Variants in TRAK1 observed in about 807,000 individuals in gnomAD.
TRAK1 encodes trafficking kinesin-binding protein 1.
A neutral mutation model predicts 92.1 loss-of-function variants in TRAK1; 33 were observed. The observed-to-expected ratio is 0.36, with a 90% CI of 0.27 to 0.48. The LOEUF (loss-of-function observed/expected upper bound fraction) is 0.48, where lower values mean the gene tolerates loss of function less well. TRAK1 is among the 20% of genes least tolerant of loss of function. TRAK1 has a pLI of 0.99. For missense variants in TRAK1, 1,123 were observed against 1,257.9 expected, an observed-to-expected ratio of 0.89 and a Z score of 1.62; for synonymous variants, 521 against 517.3, an observed-to-expected ratio of 1.01 and a Z score of -0.10.
intron 14 of TRAK1, among the ~76,000 whole-genome samples, chr3:42,214,876 A>G (rs999349853): frequency 2.6e-5 from 4 of 152,264 alleles, no homozygotes; most frequent in Admixed American, 2.0e-4. Context: ...GCCTCTGTGA[A>G]GCCCAGAACT....
intron 5 of TRAK1, among the ~76,000 whole-genome samples, chr3:42,188,678 G>C (rs564171771): frequency 6.6e-6 from 1 of 152,364 alleles, no homozygotes; most frequent in Admixed American, 6.5e-5. Flanking sequence ...TTAGGTCACA[G>C]AGTTATAAGC....
intron 2 of TRAK1, among the ~76,000 whole-genome samples, chr3:42,139,287 G>A (rs929380064): frequency 5.9e-5 from 9 of 152,060 alleles, no homozygotes; most frequent in East Asian, 1.9e-4. Flanking sequence ...TACTGCTCAC[G>A]TATGCGGTCT....
At chr3:42,088,501 T>C (rs984807096), upstream of TRAK1, among the ~76,000 whole-genome samples, 2 of 152,222 alleles carry the variant, frequency 1.3e-5, no homozygotes, top group Non-Finnish European at 2.9e-5. Context: ...GTCTTTCTTA[T>C]TAGTGCAGAA....
intron 1 of TRAK1, among the ~76,000 whole-genome samples, chr3:42,071,195 A>G (rs1405097108): frequency 6.6e-6 from 1 of 152,236 alleles, no homozygotes; most frequent in African/African-American, 2.4e-5. Context: ...GAGTGCAGTG[A>G]AAGCCAGGAC....
intron 2 of TRAK1, among the ~76,000 whole-genome samples, chr3:42,133,201 G>A (rs952147863): frequency 7.2e-5 from 11 of 151,908 alleles, no homozygotes; most frequent in Admixed American, 5.9e-4. Flanking sequence ...GATAAAATGC[G>A]GGGTCTTCGG....
chr3:42,195,606 A>C (rs1576939312), intron 10 of TRAK1, among the ~76,000 whole-genome samples: 16 of 134,254 alleles, frequency 1.2e-4, no homozygotes, highest in South Asian at 7.2e-4. Flanking sequence ...CCCATCCCCC[A>C]CTCCTTGTTG....
At chr3:42,052,004 CAGCTT>C (rs1312031639) in intron 1 of TRAK1, among the ~76,000 whole-genome samples, 2 of 152,182 alleles carry the variant, frequency 1.3e-5, no homozygotes, top group African/African-American at 4.8e-5. Flanking sequence ...TGTGATATGA[CAGCTT>C]AGCATGTGAC....
At position 42,132,235 on chromosome 3, in the gene TRAK1, A is replaced by G. The variant is rs118063780; in HGVS notation, c.286+6621A>G. 7.1e-3 allele frequency among the ~76,000 whole-genome samples: 888 copies of G among 124,386 alleles called. 33 individuals carry two copies. In the East Asian group the frequency reaches 0.12, roughly 17 times the overall value. 81.6% of individuals were successfully genotyped at this position (124,386 alleles called of 152,430 possible). A position where few individuals can be genotyped will look rare whatever the true frequency, so the allele number is the denominator to read the frequency against. On this transcript the variant is annotated intron_variant, in intron 2 of 15. Transcript: ENST00000327628. ...ATTACTTGTATTACTTGTAAATGCT[A>G]TGTTTTTTGTTTTTTTTTTTTTGTT...
chr3:42,111,403 T>C (rs1178418847), intron 1 of TRAK1, among the ~76,000 whole-genome samples: 1 of 151,856 alleles, frequency 6.6e-6, no homozygotes, highest in Non-Finnish European at 1.5e-5. Context: ...ATAATCCTTT[T>C]TTTTTTTTTT....
chr3:42,191,800 A>G (rs998972677), intron 7 of TRAK1, among the ~76,000 whole-genome samples, 164 bp downstream of exon 7: 3 of 149,088 alleles, frequency 2.0e-5, no homozygotes, highest in African/African-American at 7.5e-5. Context: ...CCCCCTCTCT[A>G]TTATTTAGTG....
At chr3:42,182,107 G>A (rs1247462443) in intron 3 of TRAK1, among the ~76,000 whole-genome samples, 1 of 151,800 alleles carries the variant, frequency 6.6e-6, no homozygotes, top group Non-Finnish European at 1.5e-5. Flanking sequence ...CCGGCCAAGG[G>A]AACTTCTTGG....
chr3:42,203,592 A>G (rs575481210), intron 13 of TRAK1: 2 of 965,690 alleles, frequency 2.1e-6, no homozygotes, highest in East Asian at 1.2e-4. Context: ...TATATTTTTC[A>G]TTTTTTACTC....
chr3:42,222,015 A>AG (rs398051865), intron 15 of TRAK1: 1 of 151,350 alleles, frequency 6.6e-6, no homozygotes, highest in African/African-American at 2.4e-5. Context: ...AAAAAAAAAA[A>AG]GAACCTTTCC....
chr3:42,104,722 A>G (rs137956813), intron 1 of TRAK1, among the ~76,000 whole-genome samples: 9,455 of 152,294 alleles, frequency 0.062, 391 homozygotes, highest in Non-Finnish European at 0.091. Context: ...CCAAAGGTAG[A>G]TAAAACCACA....
chr3:42,158,267 T>C (rs1700791739), intron 2 of TRAK1, among the ~76,000 whole-genome samples: 1 of 152,182 alleles, frequency 6.6e-6, no homozygotes, highest in South Asian at 2.1e-4. Flanking sequence ...TTAGCTTTTG[T>C]TTTCCTTTAT....
At chr3:42,080,904 T>C (rs962139423) in intron 1 of TRAK1, among the ~76,000 whole-genome samples, 9 of 152,154 alleles carry the variant, frequency 5.9e-5, no homozygotes, top group Non-Finnish European at 1.2e-4. Flanking sequence ...AGATAGGATC[T>C]CACTGTGTCA....
At chr3:42,022,137 C>T (rs1297463035) in intron 1 of TRAK1, among the ~76,000 whole-genome samples, 4 of 152,152 alleles carry the variant, frequency 2.6e-5, no homozygotes, top group Non-Finnish European at 4.4e-5. Flanking sequence ...ACTAGCTTCT[C>T]TGCTTTGACT....
At chr3:42,208,433 C>T (rs182799808) in intron 13 of TRAK1, among the ~76,000 whole-genome samples, 23 of 152,272 alleles carry the variant, frequency 1.5e-4, no homozygotes, top group African/African-American at 3.4e-4. Flanking sequence ...GCAGACTCTG[C>T]GCACACCATG....
intron 1 of TRAK1, among the ~76,000 whole-genome samples, chr3:42,069,282 C>G (rs1277435737): frequency 6.7e-6 from 1 of 149,156 alleles, no homozygotes; most frequent in African/African-American, 2.5e-5. Flanking sequence ...GCTTGTGTCA[C>G]TTTACTCCAG....
Sources: allele counts gnomAD v4.1 joint callset (sites outside exome capture counted in the v4.1 genomes callset), GRCh38; gene constraint gnomAD v4.1.1; transcripts MANE v1.5; gene names NCBI Gene and HGNC (gene_info 2026-07-23, HGNC 2026-07-21).